Variants in PTPRN observed in about 807,000 individuals in gnomAD.
The protein encoded by PTPRN is protein tyrosine phosphatase receptor type N, also known as receptor-type tyrosine-protein phosphatase-like N.
A neutral mutation model predicts 108.5 loss-of-function variants in PTPRN; 70 were observed. The observed-to-expected ratio is 0.65, with a 90% CI of 0.53 to 0.79. The LOEUF (loss-of-function observed/expected upper bound fraction) is 0.79. Ranked by LOEUF, PTPRN falls within the 30% of genes least tolerant of loss-of-function variation. The probability of loss-of-function intolerance (pLI) is 0.00; values close to 1 mark genes in which losing one functional copy is unlikely to be tolerated. For synonymous variants in PTPRN, 496 were observed against 524.6 expected, an observed-to-expected ratio of 0.95 and a Z score of 0.75; for missense variants, 1,136 against 1,295.5, an observed-to-expected ratio of 0.88 and a Z score of 1.89.
Position 219,297,076 on chromosome 2 carries a change from G to A in PTPRN, c.2145C>T (p.Ala715=), listed in dbSNP as rs951121142. 1.9e-5 allele frequency: 31 copies of A among 1,613,950 alleles called. No individual in the cohort carries two copies. The highest frequency in any genetic ancestry group is 2.6e-5 in the Non-Finnish European group (31 of 1,180,042). Residue 715 remains alanine, a synonymous_variant, in exon 15 of 23, where the codon GCC becomes GCT. Transcript: ENST00000295718. The surrounding 1 kb of genome is among the most constrained non-coding windows in gnomAD (Gnocchi z 6.0). ...NRDRLAKEWQ[A]LCAYQAEPNT... ...TTGGCTCTGCTTGGTAGGCACAGAG[G>A]GCCTGCCACTCCTTGGCAAGGCGGT... is the stretch of plus-strand genomic sequence containing the variant.
Position 219,300,098 on chromosome 2 carries a change from T to G in PTPRN, c.1323A>C (p.Thr441=). 6.2e-7 allele frequency: 1 copy of G among 1,614,110 alleles called. No homozygotes were observed. The part of the protein sequence containing the change: ...EPPKAARPPV[T]PVLLEKKSPL... ...GGCTTTTCTTCTCTAGCAGGACAGG[T>G]GTCACAGGGGGTCTGGCAGCTTTGG... Residue 441 remains threonine, a synonymous_variant, in exon 9 of 23, where the codon ACA becomes ACC. Coordinates refer to ENST00000295718, the MANE Select transcript of PTPRN (RefSeq NM_002846.4).
intron 7 of PTPRN, 91 bp downstream of exon 7, chr2:219,301,497 T>C: frequency 6.8e-7 from 1 of 1,474,948 alleles, no homozygotes; most frequent in Non-Finnish European, 9.2e-7. Context: ...TGACTCTTCC[T>C]CTCCAGGCTA....
rs1034868146 is a variant in PTPRN, at chr2:219,307,860, A to G, written c.116-18T>C. 6.2e-6 allele frequency: 10 copies of G among 1,613,740 alleles called. No homozygotes were observed. The East Asian group carries it at 2.0e-4, about 32-fold the overall frequency. Reference sequence around the variant, plus strand: ...TAGACAGCCTGTAGAGGAAAAGGTGAGCAGAGGCTCAGACACCCACTCACA... The same window carrying G: ...TAGACAGCCTGTAGAGGAAAAGGTGGGCAGAGGCTCAGACACCCACTCACA... On this transcript the variant is annotated intron_variant, in intron 1 of 22. Transcript: ENST00000295718.
At chr2:219,291,002 G>T (rs893227989) in intron 20 of PTPRN, 112 bp from the exon 21 acceptor site, 1 of 1,050,600 alleles carries the variant, frequency 9.5e-7, no homozygotes. Flanking sequence ...TGGGTGACCC[G>T]TTGGGGTTGG....
chr2:219,299,238 C>T lies in PTPRN; in HGVS notation c.1603+67G>A. 1.9e-6 allele frequency: 3 copies of T among 1,601,128 alleles called. No homozygotes were observed. In the South Asian group the frequency reaches 3.3e-5, roughly 18 times the overall value. ...ATTTCAAGGGGGCATCAGCAACAGG[C>T]CTGGATATATCCTCTTAGGAGTGGG... On this transcript the variant is annotated intron_variant, in intron 11 of 22. Transcript: ENST00000295718.
At chr2:219,308,939 T>G (rs1182263251) in intron 1 of PTPRN, 9 of 1,436,000 alleles carry the variant, frequency 6.3e-6, no homozygotes, top group Non-Finnish European at 7.4e-6. Context: ...GGTCTCTAAG[T>G]CCCTCTGCCC....
rs1439061643 is a variant in PTPRN, at chr2:219,297,882, C to T, written c.1887+3G>A. 12 of 1,603,680 alleles carry T rather than the reference C, an allele frequency of 7.5e-6. No individual in the cohort carries two copies. The highest frequency in any genetic ancestry group is 1.3e-5 in the African/African-American group (1 of 74,750). On this transcript the variant is annotated splice_donor_region_variant and intron_variant, in intron 13 of 22. Coordinates refer to ENST00000295718, the MANE Select transcript of PTPRN (RefSeq NM_002846.4). This position sits in a 1 kb window ranked among gnomAD's most constrained non-coding sequence, Gnocchi z 6.0. ...TGCTCAATCAGCTTCTGGGGCTGCACACCTGGTACTCAAAGGTAGTGTCAC... is the reference window on the plus strand; with the variant it reads ...TGCTCAATCAGCTTCTGGGGCTGCATACCTGGTACTCAAAGGTAGTGTCAC...
At chr2:219,309,197 C>A in intron 1 of PTPRN, 21 bp downstream of exon 1, 1 of 1,482,640 alleles carries the variant, frequency 6.7e-7, no homozygotes, top group South Asian at 1.2e-5. Flanking sequence ...CACCACCCGC[C>A]AGCCCAAGTT....
In PTPRN at chr2:219,309,324, G is replaced by C; in HGVS notation, c.9C>G (p.Arg3=). 6.8e-7 allele frequency: 1 copy of C among 1,467,842 alleles called. No individual in the cohort carries two copies. The highest frequency in any genetic ancestry group is 9.0e-7 in the Non-Finnish European group (1 of 1,110,370). 90.9% of individuals were successfully genotyped at this position (1,467,842 alleles called of 1,614,324 possible). Residue 3 remains arginine, a synonymous_variant, in exon 1 of 23, where the codon CGC becomes CGG. Transcript: ENST00000295718. The part of the protein sequence containing the change: MR[R]PRRPGGLGGS... ...CCCCGAGACCCCCAGGCCGCCGCGG[G>C]CGCCGCATCTTTCCGAGCTCCGGGC...
chr2:219,302,841 T>C lies in PTPRN; in HGVS notation c.378-4A>G, dbSNP rs1315571477. The stretch of plus-strand genomic sequence containing the variant: ...TCTCTTGGGTGCCAAGCCAGACCTG[T>C]AGAGGAAAGCAAAGTGTGTGTGTTG... On this transcript the variant is annotated splice_region_variant and splice_polypyrimidine_tract_variant and intron_variant, in intron 4 of 22. Transcript: ENST00000295718. The C allele has an allele frequency of 1.9e-6, 3 of 1,607,636 alleles. No homozygotes were observed. The highest frequency in any genetic ancestry group is 1.7e-5 in the Admixed American group (1 of 57,214).
Position 219,290,749 on chromosome 2 carries a change from A to T in PTPRN, c.2794+77T>A. On this transcript the variant is annotated intron_variant, in intron 21 of 22. Transcript: ENST00000295718. This position sits in a 1 kb window ranked among gnomAD's most constrained non-coding sequence, Gnocchi z 4.2. ...GGAGGTTGACAACCTGCTCCTTCTG[A>T]GCTCCCAGGACCCTGTGTGCTGGGG... 6.5e-7 allele frequency: 1 copy of T among 1,534,230 alleles called. No homozygotes were observed.
chr2:219,301,462 C>CAAAGGA, intron 7 of PTPRN, 126 bp downstream of exon 7: 1 of 1,361,288 alleles, frequency 7.3e-7, no homozygotes, highest in Non-Finnish European at 1.0e-6. Context: ...CCCTATGTCT[C>CAAAGGA]AAAGGAACTC....
intron 9 of PTPRN, 73 bp from the exon 10 acceptor site, chr2:219,299,859 C>G (rs1952298144): frequency 7.7e-6 from 12 of 1,555,582 alleles, no homozygotes; most frequent in Non-Finnish European, 8.8e-6. Flanking sequence ...CAGGCCACTC[C>G]AGGGGTACAG....
intron 12 of PTPRN, among the ~76,000 whole-genome samples, chr2:219,298,625 G>A (rs572482424): frequency 1.7e-4 from 26 of 152,314 alleles, no homozygotes; most frequent in African/African-American, 6.3e-4. Context: ...CAGGAGAATC[G>A]CTTGAACCTG....
intron 20 of PTPRN, 124 bp from the exon 21 acceptor site, chr2:219,291,014 TTGGAGAGGGACAG>T: frequency 1.1e-6 from 1 of 901,094 alleles, no homozygotes; most frequent in Non-Finnish European, 1.8e-6. Context: ...TGGGGTTGGC[TTGGAGAGGGACAG>T]TGAGCCGAGG....
In PTPRN at chr2:219,297,769, C is replaced by A. The variant is rs1263169807; in HGVS notation, c.1887+116G>T. ...TGGGGCTTCTCCAGCCTCCACTGGA[C>A]CTTCCCAGGGATGAGGGCTCACTCC... is the stretch of plus-strand genomic sequence containing the variant. On this transcript the variant is annotated intron_variant, in intron 13 of 22. Coordinates refer to ENST00000295718, the MANE Select transcript of PTPRN (RefSeq NM_002846.4). The surrounding 1 kb of genome is among the most constrained non-coding windows in gnomAD (Gnocchi z 6.0). 3.2e-6 allele frequency: 4 copies of A among 1,263,088 alleles called. No homozygotes were observed. The highest frequency in any genetic ancestry group is 4.8e-5 in the Admixed American group (2 of 42,006). The allele number at this position is 1,263,088 out of a possible 1,614,324, so 78.2% of individuals were successfully genotyped here. A position where few individuals can be genotyped will look rare whatever the true frequency, so the allele number is the denominator to read the frequency against.
rs575808157 is a variant in PTPRN, at chr2:219,304,073, T to C, written c.281-242A>G. On this transcript the variant is annotated intron_variant, in intron 3 of 22. Transcript: ENST00000295718. ...GATGAATTATGTAACCTTGGGCAAG[T>C]TGCTGAACCTCTCCAAGCCTCAATT... The C allele has an allele frequency of 1.5e-4, 54 of 352,314 alleles. 1 individual carries two copies. In the East Asian group the frequency reaches 3.0e-3, roughly 20 times the overall value. The allele number at this position is 352,314 out of a possible 1,614,324, so 21.8% of individuals were successfully genotyped here.
intron 19 of PTPRN, chr2:219,294,080 C>T (rs1292357042): frequency 3.8e-6 from 2 of 526,008 alleles, no homozygotes; most frequent in South Asian, 1.4e-5. Context: ...GGGTGGTCCC[C>T]GGGCCACATG....
chr2:219,304,016 A>T, intron 3 of PTPRN, 185 bp from the exon 4 acceptor site: 1 of 463,660 alleles, frequency 2.2e-6, no homozygotes, highest in Non-Finnish European at 3.8e-6. Context: ...TTGGAGCCAG[A>T]CCACCTGGGT....
Sources: gnomAD v4.1 joint callset for allele counts (sites outside exome capture counted in the v4.1 genomes callset) on GRCh38, gnomAD v4.1.1 for gene constraint, Gnocchi (gnomAD v3.1) non-coding constraint, MANE v1.5 for transcripts, NCBI Gene and HGNC (gene_info 2026-07-23, HGNC 2026-07-21) for gene names.